The following TSNAX variants were observed in gnomAD, a reference collection of about 807,000 sequenced individuals.
TSNAX encodes the protein translin associated factor X.
A neutral mutation model predicts 33.0 loss-of-function variants in TSNAX; 12 were observed. That is an observed-to-expected ratio of 0.36 (90% confidence interval 0.23 to 0.59). TSNAX has a LOEUF of 0.59. TSNAX is among the 20% of genes least tolerant of loss of function. TSNAX has a pLI of 0.74. For synonymous variants in TSNAX, 110 were observed against 117.2 expected (o/e 0.94, Z 0.40); for missense variants, 267 against 341.3 (o/e 0.78, Z 1.72).
chr1:231,528,841 A>T lies in TSNAX; in HGVS notation c.16+15A>T. On this transcript the variant is annotated intron_variant, in intron 1 of 5. Coordinates refer to ENST00000366639, the MANE Select transcript of TSNAX (RefSeq NM_005999.3). ...CAACAAAGAAGGTGGCGTCCTTAAC[A>T]ACACGGGGCGTTATTTATCCGGAGG... is the stretch of plus-strand genomic sequence containing the variant. 6.2e-7 allele frequency: 1 copy of T among 1,614,170 alleles called. No homozygotes were observed. The highest frequency in any genetic ancestry group is 8.5e-7 in the Non-Finnish European group (1 of 1,180,020).
intron 4 of TSNAX, among the ~76,000 whole-genome samples, chr1:231,556,078 T>G (rs1660675385): frequency 1.3e-5 from 2 of 152,184 alleles, no homozygotes; most frequent in Non-Finnish European, 2.9e-5. Context: ...AAGATGACAA[T>G]TACGGAGACA....
intron 2 of TSNAX, among the ~76,000 whole-genome samples, chr1:231,532,173 CACACACACACACAG>C (rs1452806352): frequency 2.1e-5 from 2 of 93,994 alleles, no homozygotes; most frequent in African/African-American, 7.5e-5. Flanking sequence ...CACACACACA[CACACACACACACAG>C]TTTTGGTTTT....
At chr1:231,533,969 C>T (rs1479684327) in intron 2 of TSNAX, among the ~76,000 whole-genome samples, 2 of 152,166 alleles carry the variant, frequency 1.3e-5, no homozygotes, top group Non-Finnish European at 2.9e-5. Flanking sequence ...CAATAAGGTT[C>T]CTTCCAGCTT....
chr1:231,542,669 A>AT, intron 4 of TSNAX, 58 bp downstream of exon 4: 1 of 1,528,736 alleles, frequency 6.5e-7, no homozygotes, highest in Non-Finnish European at 8.9e-7. Flanking sequence ...TACATGATTA[A>AT]CATGTGAGTT....
intron 4 of TSNAX, among the ~76,000 whole-genome samples, chr1:231,558,640 C>T (rs997435941): frequency 6.6e-6 from 1 of 151,950 alleles, no homozygotes; most frequent in Non-Finnish European, 1.5e-5. Context: ...TGCATCTTTA[C>T]GTTTTGCTGT....
chr1:231,539,286 A>G (rs1398302152), intron 3 of TSNAX, among the ~76,000 whole-genome samples: 1 of 152,180 alleles, frequency 6.6e-6, no homozygotes, highest in African/African-American at 2.4e-5. Flanking sequence ...CAATAATATA[A>G]AGAAAAACAT....
intron 3 of TSNAX, among the ~76,000 whole-genome samples, chr1:231,541,385 T>C (rs1004657713): frequency 1.3e-5 from 2 of 152,238 alleles, no homozygotes; most frequent in Admixed American, 1.3e-4. Flanking sequence ...AGTTTTGATG[T>C]GCCCAAGTTT....
chr1:231,535,273 A>G (rs1659087839), intron 2 of TSNAX: 1 of 152,218 alleles, frequency 6.6e-6, no homozygotes, highest in South Asian at 2.1e-4. Flanking sequence ...ACGTTCTGTA[A>G]GTATAGCTTT....
At chr1:231,536,189 C>T (rs1331868833) in intron 2 of TSNAX, 2 of 152,156 alleles carry the variant, frequency 1.3e-5, no homozygotes, top group African/African-American at 4.8e-5. Context: ...ATCTAGTTCT[C>T]TAGTTATAAC....
chr1:231,550,949 A>T (rs1285425650), intron 4 of TSNAX, among the ~76,000 whole-genome samples: 1 of 152,188 alleles, frequency 6.6e-6, no homozygotes, highest in East Asian at 1.9e-4. Context: ...GCATCTAAAA[A>T]ATTAAGAAAT....
chr1:231,546,047 C>CAT, intron 4 of TSNAX, among the ~76,000 whole-genome samples: 1 of 152,330 alleles, frequency 6.6e-6, no homozygotes, highest in Non-Finnish European at 1.5e-5. Context: ...CCAGCACACA[C>CAT]TGTGGCCCTT....
At chr1:231,546,998 T>TA (rs1348853911) in intron 4 of TSNAX, among the ~76,000 whole-genome samples, 1 of 152,198 alleles carries the variant, frequency 6.6e-6, no homozygotes, top group Admixed American at 6.5e-5. Context: ...GAATGGGAAA[T>TA]ACGGTCTCTG....
chr1:231,529,137 T>A (rs1468591159), intron 1 of TSNAX, 118 bp from the exon 2 acceptor site: 1 of 1,030,088 alleles, frequency 9.7e-7, no homozygotes, highest in Non-Finnish European at 1.4e-6. Context: ...GGAGAAAGCC[T>A]CTAAGGCGAG....
chr1:231,532,019 C>T, intron 2 of TSNAX, among the ~76,000 whole-genome samples: 1 of 151,172 alleles, frequency 6.6e-6, no homozygotes, highest in East Asian at 1.9e-4. Flanking sequence ...CTGCAGTGAG[C>T]TGTGATTGGG....
intron 4 of TSNAX, among the ~76,000 whole-genome samples, chr1:231,555,904 G>A (rs1204427336): frequency 6.6e-6 from 1 of 152,156 alleles, no homozygotes; most frequent in Non-Finnish European, 1.5e-5. Flanking sequence ...TAGAAATGGA[G>A]CTAAGTTGAG....
intron 2 of TSNAX, among the ~76,000 whole-genome samples, chr1:231,533,684 G>A (rs1022020850): frequency 1.3e-5 from 2 of 152,262 alleles, no homozygotes; most frequent in South Asian, 2.1e-4. Context: ...GAGAATTTCT[G>A]TATAGACTTG....
chr1:231,543,738 A>G (rs1659725011), intron 4 of TSNAX, among the ~76,000 whole-genome samples: 1 of 152,218 alleles, frequency 6.6e-6, no homozygotes. Flanking sequence ...CTGAGGGTGC[A>G]TTGTTGGAAA....
chr1:231,543,365 C>T (rs1659702236), intron 4 of TSNAX, among the ~76,000 whole-genome samples: 1 of 151,262 alleles, frequency 6.6e-6, no homozygotes, highest in Admixed American at 6.6e-5. Flanking sequence ...TGCTTGGGAA[C>T]AGAAGTGTTT....
rs1558142269 is a variant in TSNAX, at chr1:231,565,991, AGTG to A, written c.*1087_*1089del. ...TACATACAATGGAAATGCTTTTAGTAGTGATTATTTAGCAATTTTTGTTTTTGT... is the reference window on the plus strand; with the variant it reads ...TACATACAATGGAAATGCTTTTAGTAATTATTTAGCAATTTTTGTTTTTGT... On this transcript the variant is annotated 3_prime_UTR_variant, in exon 6 of 6. Transcript: ENST00000366639. 6.6e-6 allele frequency: 1 copy of A among 152,044 alleles called. No homozygotes were observed. Among genetic ancestry groups the A allele is most frequent in the East Asian group, 1.9e-4 (1 of 5,190 alleles). 9.4% of individuals were successfully genotyped at this position (152,044 alleles called of 1,614,324 possible).
Sources: gnomAD v4.1 joint callset for allele counts (sites outside exome capture counted in the v4.1 genomes callset) on GRCh38, gnomAD v4.1.1 for gene constraint, MANE v1.5 for transcripts, NCBI Gene and HGNC (gene_info 2026-07-23, HGNC 2026-07-21) for gene names.